UNKL: variants seen among roughly 807,000 people sequenced by gnomAD.
The protein encoded by UNKL is unk like zinc finger.
In UNKL, 60 loss-of-function variants were observed where a neutral mutation model predicts 78.0. The observed-to-expected ratio is 0.77, with a 90% CI of 0.63 to 0.95. The LOEUF (loss-of-function observed/expected upper bound fraction) is 0.95. Among genes scored for constraint, UNKL ranks in the 40% least tolerant of loss-of-function variants. The probability of loss-of-function intolerance (pLI) is 0.00; values close to 1 mark genes in which losing one functional copy is unlikely to be tolerated. For missense variants in UNKL, 1,159 were observed against 1,045.7 expected, an observed-to-expected ratio of 1.11 and a Z score of -1.49; for synonymous variants, 608 against 474.8, an observed-to-expected ratio of 1.28 and a Z score of -3.65.
chr16:1,413,794 T>G, intron 2 of UNKL, 52 bp downstream of exon 2: 7 of 1,469,514 alleles, frequency 4.8e-6, no homozygotes, highest in Non-Finnish European at 6.3e-6. Context: ...CATCCCCGGG[T>G]GGAGGCCCCC....
intron 10 of UNKL, among the ~76,000 whole-genome samples, chr16:1,384,749 C>T (rs1265301797): frequency 2.0e-5 from 3 of 152,186 alleles, no homozygotes; most frequent in Non-Finnish European, 4.4e-5. Context: ...CAGGTGCGCA[C>T]CACCATGCTT....
At position 1,414,584 on chromosome 16, in the gene UNKL, G is replaced by A. The variant is rs1169785189; in HGVS notation, c.77+31C>T. ...AGGCTCCGAGCTGCACCGGGCGCGG[G>A]CGGGGGGCCGCAGGCCGGACGGGCG... On this transcript the variant is annotated intron_variant, in intron 1 of 14. Transcript: ENST00000389221. 8.0e-6 allele frequency: 8 copies of A among 996,414 alleles called. No homozygotes were observed. The African/African-American group carries it at 1.4e-4, about 18-fold the overall frequency. The allele number at this position is 996,414 out of a possible 1,614,324, so 61.7% of individuals were successfully genotyped here.
chr16:1,405,261 A>C (rs2037701608), intron 2 of UNKL, among the ~76,000 whole-genome samples: 1 of 146,532 alleles, frequency 6.8e-6, no homozygotes, highest in Non-Finnish European at 1.5e-5. Flanking sequence ...AGAGGAAAGA[A>C]AGACAGGGAG....
At chr16:1,409,066 G>A (rs1335189839) in intron 2 of UNKL, among the ~76,000 whole-genome samples, 4 of 151,936 alleles carry the variant, frequency 2.6e-5, no homozygotes, top group Admixed American at 6.6e-5. Flanking sequence ...ACAGGTGCCC[G>A]CCACCATGCC....
chr16:1,383,589 G>T (rs999071008), intron 10 of UNKL: 1 of 368,764 alleles, frequency 2.7e-6, no homozygotes, highest in Admixed American at 3.1e-5. Context: ...GCTGGGAAGA[G>T]TCTCTCTCTC....
chr16:1,380,625 G>GAAA (rs71299910), intron 10 of UNKL, among the ~76,000 whole-genome samples: 2 of 133,112 alleles, frequency 1.5e-5, no homozygotes, highest in African/African-American at 2.9e-5. Context: ...TGTCGATCCT[G>GAAA]AAAAAAAAAA....
At chr16:1,406,337 C>G (rs537178649) in intron 2 of UNKL, among the ~76,000 whole-genome samples, 1 of 152,050 alleles carries the variant, frequency 6.6e-6, no homozygotes, top group Non-Finnish European at 1.5e-5. Context: ...CTCAGCCTCC[C>G]GAGTAACTGG....
chr16:1,370,684 C>T (rs1253855059), intron 11 of UNKL, among the ~76,000 whole-genome samples: 1 of 152,264 alleles, frequency 6.6e-6, no homozygotes, highest in African/African-American at 2.4e-5. Context: ...TGGCACGGTC[C>T]TCCCAGCACT....
In UNKL at chr16:1,390,711, A is replaced by G. The variant is rs1281496906; in HGVS notation, c.1024-17T>C. 3 of 1,535,804 alleles carry G rather than the reference A, an allele frequency of 2.0e-6. No individual in the cohort carries two copies. The highest frequency in any genetic ancestry group is 2.7e-5 in the African/African-American group (2 of 73,052). On this transcript the variant is annotated splice_polypyrimidine_tract_variant and intron_variant, in intron 8 of 14. Coordinates refer to ENST00000389221, the MANE Select transcript of UNKL (RefSeq NM_001372107.1). Reference sequence around the variant, plus strand: ...CCGCTTGGCCTGCAACATAAAAAACAGTCATATGTGGAAAAAGCAGGGAGG... The same window carrying G: ...CCGCTTGGCCTGCAACATAAAAAACGGTCATATGTGGAAAAAGCAGGGAGG...
intron 4 of UNKL, among the ~76,000 whole-genome samples, chr16:1,400,468 G>A (rs775463928): frequency 1.6e-5 from 2 of 126,144 alleles, no homozygotes; most frequent in East Asian, 2.4e-4. Context: ...GCTGCCATAC[G>A]CAATGTCCAG....
At position 1,371,522 on chromosome 16, in the gene UNKL, C is replaced by G; in HGVS notation, c.1354G>C (p.Ala452Pro). ...CCCAGGTCCTCCCCACCCTCACCTG[C>G]TGCTCCCAGGTCGTGGCCGTCTTGC... ...EEQDGHDLGA[A>P]GPRSLAGSAP... The change falls in exon 11 of 15, where the codon GCA becomes CCA. Residue 452 changes from alanine (A) to proline (P), a missense_variant. By Grantham distance (27) the Ala-to-Pro change is conservative. Coordinates refer to ENST00000389221, the MANE Select transcript of UNKL (RefSeq NM_001372107.1). The G allele has an allele frequency of 6.5e-7, 1 of 1,536,136 alleles. No individual in the cohort carries two copies. The highest frequency in any genetic ancestry group is 1.2e-5 in the South Asian group (1 of 84,070).
Position 1,399,956 on chromosome 16 carries a change from TG to T in UNKL, c.599-448del, listed in dbSNP as rs1222065435. Among the ~76,000 whole-genome samples the T allele has an allele frequency of 1.2e-4, 5 of 42,128 alleles. No individual in the cohort carries two copies. The highest frequency in any genetic ancestry group is 3.3e-4 in the Admixed American group (1 of 3,076). The allele number at this position is 42,128 out of a possible 152,430, so 27.6% of individuals were successfully genotyped here. A position where few individuals can be genotyped will look rare whatever the true frequency, so the allele number is the denominator to read the frequency against. On this transcript the variant is annotated intron_variant, in intron 4 of 14. Transcript: ENST00000389221. This position sits in a 1 kb window ranked among gnomAD's most constrained non-coding sequence, Gnocchi z 5.8. ...CCTCATGCGCACCACAGCCTCTGGG[TG>T]ACAAGCACACATCAGTGTGGGTTCA... is the stretch of plus-strand genomic sequence containing the variant.
intron 10 of UNKL, chr16:1,378,848 A>C (rs2036435058): frequency 6.6e-6 from 1 of 152,200 alleles, no homozygotes; most frequent in Non-Finnish European, 1.5e-5. Context: ...CCAGAAATCA[A>C]GGGGGGAGAC....
chr16:1,385,378 A>T lies in UNKL; in HGVS notation c.1094T>A (p.Leu365Gln). The change falls in exon 10 of 15, where the codon CTG (leucine) becomes CAG (glutamine). Residue 365 changes from leucine to glutamine, a missense_variant. Coordinates refer to ENST00000389221, the MANE Select transcript of UNKL (RefSeq NM_001372107.1). ...GSEQDSKQNHLAVFAAVHPPA... is the reference protein window; with the variant it reads ...GSEQDSKQNHQAVFAAVHPPA... Reference sequence around the variant, plus strand: ...CGGGTGGACCGCTGCAAACACGGCCAGGTGGTTCTGTTCAAAGACATAAAC... The same window carrying T: ...CGGGTGGACCGCTGCAAACACGGCCTGGTGGTTCTGTTCAAAGACATAAAC... 1 of 1,394,334 alleles carries T rather than the reference A, an allele frequency of 7.2e-7. No homozygotes were observed. Among genetic ancestry groups the T allele is most frequent in the Non-Finnish European group, 9.3e-7 (1 of 1,076,356 alleles). The allele number at this position is 1,394,334 out of a possible 1,614,324, so 86.4% of individuals were successfully genotyped here.
Position 1,399,295 on chromosome 16 carries a change from CG to C in UNKL, c.734+78del, listed in dbSNP as rs1567230874. 1.4e-6 allele frequency: 2 copies of C among 1,446,272 alleles called. No homozygotes were observed. The highest frequency in any genetic ancestry group is 1.4e-5 in the South Asian group (1 of 69,498). The allele number at this position is 1,446,272 out of a possible 1,614,324, so 89.6% of individuals were successfully genotyped here. On this transcript the variant is annotated intron_variant, in intron 5 of 14. Transcript: ENST00000389221. This position sits in a 1 kb window ranked among gnomAD's most constrained non-coding sequence, Gnocchi z 5.8. ...AAGGGCAGCCCTCCCATTAGAACCC[CG>C]GGGTGGGCAACGCGAGCCACGGGCC...
chr16:1,401,514 T>TGAAAGGCACAGGGAACCAAGTGG, intron 4 of UNKL, 54 bp downstream of exon 4: 1 of 1,468,010 alleles, frequency 6.8e-7, no homozygotes, highest in African/African-American at 1.4e-5. Flanking sequence ...CGAGCTGTTC[T>TGAAAGGCACAGGGAACCAAGTGG]CGCGCTGTGC....
chr16:1,411,154 T>C (rs1326579342), intron 2 of UNKL, among the ~76,000 whole-genome samples: 1 of 152,010 alleles, frequency 6.6e-6, no homozygotes, highest in Non-Finnish European at 1.5e-5. Flanking sequence ...AGTTTGAGAC[T>C]GAGACCAGCC....
At position 1,389,768 on chromosome 16, in the gene UNKL, C is replaced by T. The variant is rs542920736; in HGVS notation, c.1086+864G>A. ...GAGCCAGCTCTGGACAGCTCAAGCT[C>T]GGACTCAGCCCCCAGAACTGAGAGA... On this transcript the variant is annotated intron_variant, in intron 9 of 14. Coordinates refer to ENST00000389221, the MANE Select transcript of UNKL (RefSeq NM_001372107.1). 2.6e-5 allele frequency among the ~76,000 whole-genome samples: 4 copies of T among 152,312 alleles called. No individual in the cohort carries two copies. The South Asian group carries it at 6.2e-4, about 24-fold the overall frequency.
Position 1,363,272 on chromosome 16 carries a change from C to A in UNKL, c.*2968G>T. The A allele has an allele frequency of 1.5e-6, 1 of 649,656 alleles. No individual in the cohort carries two copies. Among genetic ancestry groups the A allele is most frequent in the Admixed American group, 2.4e-5 (1 of 41,488 alleles). 40.2% of individuals were successfully genotyped at this position (649,656 alleles called of 1,614,324 possible). Reference sequence around the variant, plus strand: ...ACTCCATGAATTCTGTAAACCATTGCATAAATGCTATAGTGTAAAAAAATT... The same window carrying A: ...ACTCCATGAATTCTGTAAACCATTGAATAAATGCTATAGTGTAAAAAAATT... On this transcript the variant is annotated 3_prime_UTR_variant, in exon 15 of 15. Coordinates refer to ENST00000389221, the MANE Select transcript of UNKL (RefSeq NM_001372107.1).
Sources: allele counts gnomAD v4.1 joint callset (sites outside exome capture counted in the v4.1 genomes callset), GRCh38; gene constraint gnomAD v4.1.1; non-coding constraint Gnocchi (gnomAD v3.1); transcripts MANE v1.5; gene names NCBI Gene and HGNC (gene_info 2026-07-23, HGNC 2026-07-21).